Variants in AGBL4 observed in about 807,000 individuals in gnomAD.
AGBL4 encodes cytosolic carboxypeptidase 6.
A neutral mutation model predicts 66.4 loss-of-function variants in AGBL4; 58 were observed. The ratio of observed to expected loss-of-function variants is 0.87; its 90% CI spans 0.71 to 1.09. AGBL4 has a LOEUF of 1.09. Ranked by LOEUF, AGBL4 falls within the 50% of genes least tolerant of loss-of-function variation. The probability of loss-of-function intolerance (pLI) is 0.00; values close to 1 mark genes in which losing one functional copy is unlikely to be tolerated. For synonymous variants in AGBL4, 234 were observed against 222.9 expected (o/e 1.05, Z -0.44); for missense variants, 579 against 631.0 (o/e 0.92, Z 0.88).
At chr1:48,963,068 A>C (rs1409928644) in intron 5 of AGBL4, among the ~76,000 whole-genome samples, 1 of 150,890 alleles carries the variant, frequency 6.6e-6, no homozygotes, top group Admixed American at 6.6e-5. Flanking sequence ...AGAATACCAC[A>C]GACTGGGTAA....
At chr1:48,916,231 G>C (rs1346219441) in intron 5 of AGBL4, among the ~76,000 whole-genome samples, 2 of 152,204 alleles carry the variant, frequency 1.3e-5, no homozygotes, top group Admixed American at 6.5e-5. Context: ...TCATGCAACT[G>C]TTCCTGAAAA....
At chr1:49,006,751 C>G (rs1167121468) in intron 5 of AGBL4, among the ~76,000 whole-genome samples, 1 of 151,606 alleles carries the variant, frequency 6.6e-6, no homozygotes, top group Non-Finnish European at 1.5e-5. Flanking sequence ...TGGGAGGCAC[C>G]CCCCAGCAGG....
chr1:49,921,879 C>T (rs1652293200), intron 1 of AGBL4, among the ~76,000 whole-genome samples: 1 of 152,138 alleles, frequency 6.6e-6, no homozygotes, highest in Non-Finnish European at 1.5e-5. Flanking sequence ...TCTCCCTCCT[C>T]CCAGTCCACT....
At chr1:49,591,414 G>A (rs1424741300) in intron 3 of AGBL4, among the ~76,000 whole-genome samples, 2 of 151,772 alleles carry the variant, frequency 1.3e-5, no homozygotes, top group African/African-American at 4.8e-5. Flanking sequence ...ATATAACATT[G>A]AAAATTAAAT....
chr1:49,856,137 AG>A (rs1275506939), intron 1 of AGBL4, among the ~76,000 whole-genome samples: 2 of 152,090 alleles, frequency 1.3e-5, no homozygotes, highest in Non-Finnish European at 2.9e-5. Flanking sequence ...TGGAAAACCA[AG>A]AGAAAAATGT....
intron 3 of AGBL4, among the ~76,000 whole-genome samples, chr1:49,682,831 C>T (rs1191988294): frequency 5.9e-5 from 9 of 152,164 alleles, no homozygotes; most frequent in Admixed American, 5.9e-4. Context: ...AGGAAGACAA[C>T]ATGAAAAAGA....
chr1:48,733,109 G>A (rs960355341), intron 6 of AGBL4, among the ~76,000 whole-genome samples: 9 of 152,132 alleles, frequency 5.9e-5, no homozygotes, highest in Non-Finnish European at 7.4e-5. Context: ...GGTGTAGCTC[G>A]TCTTTCCAGG....
intron 2 of AGBL4, among the ~76,000 whole-genome samples, chr1:49,700,164 AT>A (rs1314995709): frequency 6.6e-6 from 1 of 151,770 alleles, no homozygotes; most frequent in Non-Finnish European, 1.5e-5. Context: ...GAAAAGCACT[AT>A]TAATAAGAAA....
chr1:49,402,461 A>C (rs1228176940), intron 3 of AGBL4, among the ~76,000 whole-genome samples: 1 of 151,756 alleles, frequency 6.6e-6, no homozygotes, highest in African/African-American at 2.4e-5. Context: ...ATATTGTTTA[A>C]TTTCAATGTG....
At chr1:49,111,375 T>G (rs1369059025) in intron 4 of AGBL4, among the ~76,000 whole-genome samples, 1 of 152,184 alleles carries the variant, frequency 6.6e-6, no homozygotes, top group Non-Finnish European at 1.5e-5. Context: ...GCCTCCCAGA[T>G]TGCTGGGATT....
At position 49,874,553 on chromosome 1, in the gene AGBL4, T is replaced by C. The variant is rs561954238; in HGVS notation, c.35-23035A>G. Among the ~76,000 whole-genome samples the C allele has an allele frequency of 1.4e-3, 210 of 152,216 alleles. 1 individual carries two copies. Among genetic ancestry groups the C allele is most frequent in the African/African-American group, 4.7e-3 (197 of 41,546 alleles). On this transcript the variant is annotated intron_variant, in intron 1 of 13. Transcript: ENST00000371839. ...TTAAGTCTACTTATTATATGTAAAA[T>C]TAAAAGTATAAATATTGAAAAAAGT... is the stretch of plus-strand genomic sequence containing the variant.
At chr1:48,833,833 CA>C (rs1646614622) in intron 6 of AGBL4, among the ~76,000 whole-genome samples, 1 of 152,066 alleles carries the variant, frequency 6.6e-6, no homozygotes, top group Non-Finnish European at 1.5e-5. Context: ...CCCTGTTCCT[CA>C]AAAAAGGGGA....
intron 6 of AGBL4, among the ~76,000 whole-genome samples, chr1:48,748,206 C>T (rs904509473): frequency 6.6e-6 from 1 of 152,136 alleles, no homozygotes; most frequent in East Asian, 1.9e-4. Context: ...AAGATGCCTC[C>T]GGAGCTGGGT....
At chr1:49,645,833 T>C (rs544358710) in intron 3 of AGBL4, among the ~76,000 whole-genome samples, 4 of 149,584 alleles carry the variant, frequency 2.7e-5, no homozygotes, top group Middle Eastern at 3.5e-3. Context: ...TATTAAATAA[T>C]GGCTAAGTAT....
chr1:49,602,919 G>A (rs991622066), intron 3 of AGBL4, among the ~76,000 whole-genome samples: 3 of 151,968 alleles, frequency 2.0e-5, no homozygotes, highest in South Asian at 2.1e-4. Context: ...AGTACCAAAC[G>A]AGGATCACGT....
intron 5 of AGBL4, among the ~76,000 whole-genome samples, chr1:48,946,561 T>C (rs1195813117): frequency 6.6e-6 from 1 of 152,192 alleles, no homozygotes; most frequent in Admixed American, 6.5e-5. Flanking sequence ...CTGAGCATTA[T>C]AAAGTCTGAG....
chr1:49,998,271 A>C (rs1161784283), intron 1 of AGBL4, among the ~76,000 whole-genome samples: 1 of 152,186 alleles, frequency 6.6e-6, no homozygotes, highest in Non-Finnish European at 1.5e-5. Context: ...CTGATACCAC[A>C]GAAATACAAA....
At chr1:49,641,784 ATTG>A (rs1176403256) in intron 3 of AGBL4, among the ~76,000 whole-genome samples, 1 of 151,946 alleles carries the variant, frequency 6.6e-6, no homozygotes, top group Non-Finnish European at 1.5e-5. Context: ...TGCTGTACTT[ATTG>A]TTACCATTTT....
At chr1:49,842,906 C>T (rs1156558316) in intron 2 of AGBL4, among the ~76,000 whole-genome samples, 1 of 152,184 alleles carries the variant, frequency 6.6e-6, no homozygotes, top group Non-Finnish European at 1.5e-5. Context: ...AGTAAAAGCA[C>T]TCTGACCTCA....
Sources: gnomAD v4.1 joint callset for allele counts (sites outside exome capture counted in the v4.1 genomes callset) on GRCh38, gnomAD v4.1.1 for gene constraint, MANE v1.5 for transcripts, NCBI Gene and HGNC (gene_info 2026-07-23, HGNC 2026-07-21) for gene names.